The following TMEM91 variants were observed in gnomAD, a reference collection of about 807,000 sequenced individuals.
TMEM91 encodes dispanin subfamily C member 3.
In TMEM91, 6 loss-of-function variants were observed where a neutral mutation model predicts 13.3. That is an observed-to-expected ratio of 0.45 (90% CI 0.25 to 0.89). The LOEUF (loss-of-function observed/expected upper bound fraction) is 0.89, where lower values mean the gene tolerates loss of function less well. TMEM91 is among the 40% of genes least tolerant of loss of function. The pLI is 0.19. For synonymous variants in TMEM91, 87 were observed against 101.7 expected (o/e 0.86, Z 0.87); for missense variants, 193 against 228.7 (o/e 0.84, Z 1.01).
At chr19:41,378,610 G>A (rs931244209) in intron 2 of TMEM91, 91 bp downstream of exon 2, 16 of 1,359,976 alleles carry the variant, frequency 1.2e-5, no homozygotes, top group East Asian at 4.9e-5. Flanking sequence ...CAGCTGTGCC[G>A]ATCTGCCTTA....
At chr19:41,382,684 G>A in intron 2 of TMEM91, 88 bp from the exon 3 acceptor site, 1 of 1,508,568 alleles carries the variant, frequency 6.6e-7, no homozygotes, top group Non-Finnish European at 8.9e-7. Context: ...CTAGGGGCAG[G>A]TATTGGCCTT....
rs757576452 is a variant in TMEM91, at chr19:41,376,811, G to C, written c.-73G>C. On this transcript the variant is annotated 5_prime_UTR_variant, in exon 1 of 4. Coordinates refer to ENST00000392002, the MANE Select transcript of TMEM91 (RefSeq NM_001098821.2). ...CCTCGGTGGCAGGGTCCGGGCAAGT[G>C]TCATTGCGAGGGTTCAGGAAGCCCC... 6.6e-6 allele frequency: 1 copy of C among 152,360 alleles called. No individual in the cohort carries two copies. The highest frequency in any genetic ancestry group is 2.4e-5 in the African/African-American group (1 of 41,438). The allele number at this position is 152,360 out of a possible 1,614,324, so 9.4% of individuals were successfully genotyped here. A position where few individuals can be genotyped will look rare whatever the true frequency, so the allele number is the denominator to read the frequency against.
chr19:41,382,184 TCA>T (rs1479886893), intron 2 of TMEM91, among the ~76,000 whole-genome samples: 1 of 152,064 alleles, frequency 6.6e-6, no homozygotes, highest in East Asian at 1.9e-4. Context: ...GGCTTTTCAC[TCA>T]GAGATTGTAA....
chr19:41,369,237 G>A (rs572031401), intron 1 of TMEM91, among the ~76,000 whole-genome samples: 63 of 152,198 alleles, frequency 4.1e-4, no homozygotes, highest in African/African-American at 1.5e-3. Flanking sequence ...GAGTGCAATG[G>A]TGTGATCTCT....
upstream of TMEM91, among the ~76,000 whole-genome samples, chr19:41,373,391 A>G (rs980609177): frequency 6.6e-6 from 1 of 151,714 alleles, no homozygotes; most frequent in Admixed American, 6.6e-5. Flanking sequence ...CACAGAGCTC[A>G]ATGATTTGGT....
intron 1 of TMEM91, among the ~76,000 whole-genome samples, chr19:41,366,736 G>A (rs535357571): frequency 5.3e-5 from 8 of 151,948 alleles, no homozygotes; most frequent in Non-Finnish European, 1.0e-4. Flanking sequence ...TGAGATTACA[G>A]GCATGAGCCA....
intron 1 of TMEM91, among the ~76,000 whole-genome samples, chr19:41,365,104 T>C (rs1287276390): frequency 1.3e-5 from 2 of 151,974 alleles, no homozygotes; most frequent in African/African-American, 4.8e-5. Context: ...CAGTCTTGTC[T>C]TGACCTCCTG....
chr19:41,378,613 C>A, intron 2 of TMEM91, 94 bp downstream of exon 2: 1 of 1,316,822 alleles, frequency 7.6e-7, no homozygotes, highest in Non-Finnish European at 1.1e-6. Context: ...CTGTGCCGAT[C>A]TGCCTTAGGC....
At chr19:41,382,547 C>T (rs199566569) in intron 2 of TMEM91, among the ~76,000 whole-genome samples, 3 of 152,170 alleles carry the variant, frequency 2.0e-5, no homozygotes, top group Admixed American at 1.3e-4. Flanking sequence ...CATTTGAACC[C>T]GGGAGGCAGT....
chr19:41,381,957 C>T (rs551587915), intron 2 of TMEM91, among the ~76,000 whole-genome samples: 1 of 152,202 alleles, frequency 6.6e-6, no homozygotes, highest in South Asian at 2.1e-4. Flanking sequence ...CCTCCACATC[C>T]TGGGTTCAAG....
At chr19:41,365,325 A>G (rs2038499673) in intron 1 of TMEM91, among the ~76,000 whole-genome samples, 1 of 152,214 alleles carries the variant, frequency 6.6e-6, no homozygotes, top group African/African-American at 2.4e-5. Flanking sequence ...TTAATAATGC[A>G]TATATCAACT....
intron 3 of TMEM91, 159 bp downstream of exon 3, chr19:41,383,080 G>A (rs2123209488): frequency 1.9e-6 from 2 of 1,047,612 alleles, no homozygotes; most frequent in East Asian, 4.9e-5. Context: ...TTTTTTTTGA[G>A]TCTCACTTTG....
At chr19:41,382,701 C>T (rs1275356655) in intron 2 of TMEM91, 71 bp from the exon 3 acceptor site, 34 of 1,558,598 alleles carry the variant, frequency 2.2e-5, no homozygotes, top group Non-Finnish European at 2.6e-5. Flanking sequence ...CCTTTGAGGG[C>T]TATGGAGAGC....
At chr19:41,383,644 G>C (rs369444619) in intron 3 of TMEM91, 71 bp from the exon 4 acceptor site, 27 of 1,613,930 alleles carry the variant, frequency 1.7e-5, no homozygotes, top group Non-Finnish European at 2.2e-5. Context: ...TATGTTGGGT[G>C]GGGGAGGGAC....
Position 41,378,274 on chromosome 19 carries a change from C to T in TMEM91, c.-29-7C>T, listed in dbSNP as rs766750042. 1.1e-5 allele frequency: 18 copies of T among 1,593,120 alleles called. No homozygotes were observed. Among genetic ancestry groups the T allele is most frequent in the Non-Finnish European group, 1.5e-5 (18 of 1,164,698 alleles). On this transcript the variant is annotated splice_polypyrimidine_tract_variant and splice_region_variant and intron_variant, in intron 1 of 3. Coordinates refer to ENST00000392002, the MANE Select transcript of TMEM91 (RefSeq NM_001098821.2). ...ACAACTTGTCTTTTTCTTCCCCCTA[C>T]CCCTAGGAAACCCCTCCTGGAGTTT...
At chr19:41,379,106 T>G (rs1307768620) in intron 2 of TMEM91, among the ~76,000 whole-genome samples, 1 of 150,982 alleles carries the variant, frequency 6.6e-6, no homozygotes, top group Non-Finnish European at 1.5e-5. Flanking sequence ...AGTGCTAGGA[T>G]TAAAGGTGTG....
At chr19:41,375,252 T>C (rs1248739637), upstream of TMEM91, among the ~76,000 whole-genome samples, 3 of 149,524 alleles carry the variant, frequency 2.0e-5, no homozygotes, top group Non-Finnish European at 3.0e-5. Context: ...AGCATGCAAG[T>C]GAGCCCGTTT....
At chr19:41,380,257 G>A (rs2038848229) in intron 2 of TMEM91, among the ~76,000 whole-genome samples, 1 of 152,064 alleles carries the variant, frequency 6.6e-6, no homozygotes, top group Non-Finnish European at 1.5e-5. Context: ...ACAGCATAAC[G>A]GCTTCAGGGC....
chr19:41,375,799 C>G (rs1323193322), upstream of TMEM91, among the ~76,000 whole-genome samples: 1 of 151,264 alleles, frequency 6.6e-6, no homozygotes, highest in Non-Finnish European at 1.5e-5. Context: ...GCGATCAGAG[C>G]AAGACCCCGT....
Sources: allele counts gnomAD v4.1 joint callset (sites outside exome capture counted in the v4.1 genomes callset), GRCh38; gene constraint gnomAD v4.1.1; transcripts MANE v1.5; gene names NCBI Gene and HGNC (gene_info 2026-07-23, HGNC 2026-07-21).